The following SLC35F3 variants were observed in gnomAD, a reference collection of about 807,000 sequenced individuals.
The protein encoded by SLC35F3 is putative thiamine transporter SLC35F3.
In SLC35F3, 25 loss-of-function variants were observed where a neutral mutation model predicts 49.9. That is an observed-to-expected ratio of 0.50 (90% CI 0.37 to 0.70). The LOEUF (loss-of-function observed/expected upper bound fraction) is 0.70, where lower values mean the gene tolerates loss of function less well. Ranked by LOEUF, SLC35F3 falls within the 30% of genes least tolerant of loss-of-function variation. The pLI, the probability that SLC35F3 is intolerant of heterozygous loss-of-function variation, is 0.00. For synonymous variants in SLC35F3, 275 were observed against 265.4 expected, an observed-to-expected ratio of 1.04 and a Z score of -0.35; for missense variants, 525 against 639.8, an observed-to-expected ratio of 0.82 and a Z score of 1.94.
rs1662723943 is a variant in SLC35F3, at chr1:233,957,486, C to T, written c.283+51728C>T. The stretch of plus-strand genomic sequence containing the variant: ...TGTTTTCTGAATGTTTCAGTTGGCT[C>T]TAGCTCCATAATTACATCAAAATTT... On this transcript the variant is annotated intron_variant, in intron 2 of 7. Coordinates refer to ENST00000366618, the MANE Select transcript of SLC35F3 (RefSeq NM_173508.4). The surrounding 1 kb of genome is among the most constrained non-coding windows in gnomAD (Gnocchi z 4.0). Among the ~76,000 whole-genome samples the T allele has an allele frequency of 6.6e-6, 1 of 152,174 alleles. No individual in the cohort carries two copies. Among genetic ancestry groups the T allele is most frequent in the African/African-American group, 2.4e-5 (1 of 41,440 alleles).
In SLC35F3 at chr1:234,130,556, G is replaced by A. The variant is rs374050269; in HGVS notation, c.284-100861G>A. Among the ~76,000 whole-genome samples, 6 of 151,078 alleles carry A rather than the reference G, an allele frequency of 4.0e-5. No homozygotes were observed. In the East Asian group the frequency reaches 1.2e-3, roughly 29 times the overall value. The stretch of plus-strand genomic sequence containing the variant: ...TGGGAGGCTGAGGCAGGAGAATGGC[G>A]TGAACCCGGGAGGTGGAGCTTCCAG... On this transcript the variant is annotated intron_variant, in intron 2 of 7. Transcript: ENST00000366618.
intron 3 of SLC35F3, among the ~76,000 whole-genome samples, chr1:234,244,947 T>G (rs1332073759): frequency 6.6e-6 from 1 of 152,234 alleles, no homozygotes; most frequent in Non-Finnish European, 1.5e-5. Flanking sequence ...CTTTGAGTAT[T>G]TGTCATTTTT....
rs1664001345 is a variant in SLC35F3 at position 234,027,866 on chromosome 1, A to G, written c.283+122108A>G. 6.6e-6 allele frequency among the ~76,000 whole-genome samples: 1 copy of G among 152,198 alleles called. No homozygotes were observed. Among genetic ancestry groups the G allele is most frequent in the African/African-American group, 2.4e-5 (1 of 41,464 alleles). On this transcript the variant is annotated intron_variant, in intron 2 of 7. Transcript: ENST00000366618. The surrounding 1 kb of genome is among the most constrained non-coding windows in gnomAD (Gnocchi z 4.1). ...AGGAGGGGAGATGGATGATAAAGGAATAAGCCCGTGTAAAAGCGAGGTAAT... is the reference window on the plus strand; with the variant it reads ...AGGAGGGGAGATGGATGATAAAGGAGTAAGCCCGTGTAAAAGCGAGGTAAT...
intron 2 of SLC35F3, among the ~76,000 whole-genome samples, chr1:234,196,141 A>G (rs1002431937): frequency 6.6e-6 from 1 of 152,156 alleles, no homozygotes; most frequent in Non-Finnish European, 1.5e-5. Context: ...TTTCCCTAGG[A>G]CACGCCCACC....
At chr1:234,044,915 GC>G (rs1664268100) in intron 2 of SLC35F3, among the ~76,000 whole-genome samples, 1 of 152,132 alleles carries the variant, frequency 6.6e-6, no homozygotes, top group Non-Finnish European at 1.5e-5. Context: ...GTCTCTGGAG[GC>G]CAACCGGTTG....
intron 2 of SLC35F3, among the ~76,000 whole-genome samples, chr1:234,050,480 G>C (rs1488049416): frequency 6.6e-6 from 1 of 152,068 alleles, no homozygotes; most frequent in Non-Finnish European, 1.5e-5. Context: ...CTTTTTGATG[G>C]GGTTGTTTGA....
chr1:233,970,462 G>T (rs1029434012), intron 2 of SLC35F3, among the ~76,000 whole-genome samples: 2 of 152,190 alleles, frequency 1.3e-5, no homozygotes, highest in African/African-American at 4.8e-5. Flanking sequence ...TTTGAATGAG[G>T]TGAATGTATC....
chr1:233,998,097 A>G (rs926336911), intron 2 of SLC35F3, among the ~76,000 whole-genome samples: 1 of 152,270 alleles, frequency 6.6e-6, no homozygotes, highest in Middle Eastern at 3.4e-3. Flanking sequence ...AAAGCATTAT[A>G]GATGGATATG....
At position 234,235,894 on chromosome 1, in the gene SLC35F3, T is replaced by TG. The variant is rs200203271; in HGVS notation, c.608+4154dup. Among the ~76,000 whole-genome samples the TG allele has an allele frequency of 7.1e-3, 1,089 of 152,338 alleles. 10 individuals are homozygous for TG. The highest frequency in any genetic ancestry group is 0.025 in the African/African-American group (1,020 of 41,572). On this transcript the variant is annotated intron_variant, in intron 3 of 7. Coordinates refer to ENST00000366618, the MANE Select transcript of SLC35F3 (RefSeq NM_173508.4). ...CAGGAACCATATCGGGTCTTGCAGC[T>TG]GTAACATTTATCGGCCATTTAAAAT...
At chr1:234,125,032 C>T (rs1572060996) in intron 2 of SLC35F3, among the ~76,000 whole-genome samples, 1 of 152,128 alleles carries the variant, frequency 6.6e-6, no homozygotes, top group Admixed American at 6.5e-5. Context: ...AGATTCTAGG[C>T]ATTGTGTTTT....
At position 234,012,514 on chromosome 1, in the gene SLC35F3, C is replaced by T. The variant is rs552192846; in HGVS notation, c.283+106756C>T. ...CAGGACAGAGGTCCCTGCGGCTTTC[C>T]GCAGTGCATTGTGCCCCTGGTTTAT... On this transcript the variant is annotated intron_variant, in intron 2 of 7. Coordinates refer to ENST00000366618, the MANE Select transcript of SLC35F3 (RefSeq NM_173508.4). Among the ~76,000 whole-genome samples, 8 of 152,314 alleles carry T rather than the reference C, an allele frequency of 5.3e-5. No homozygotes were observed. In the East Asian group the frequency reaches 7.7e-4, roughly 15 times the overall value.
At chr1:233,905,400 C>T in intron 1 of SLC35F3, 129 bp from the exon 2 acceptor site, 2 of 759,436 alleles carry the variant, frequency 2.6e-6, no homozygotes, top group Non-Finnish European at 4.2e-6. Context: ...GGCTCTGCCG[C>T]GGCGCTCGCC....
chr1:234,186,517 GA>G (rs1425064033), intron 2 of SLC35F3, among the ~76,000 whole-genome samples: 1 of 151,466 alleles, frequency 6.6e-6, no homozygotes. Context: ...CAGTCCTTCT[GA>G]ATTCTTGCCC....
intron 2 of SLC35F3, among the ~76,000 whole-genome samples, chr1:233,954,312 C>T (rs2102806853): frequency 6.6e-6 from 1 of 152,134 alleles, no homozygotes; most frequent in Non-Finnish European, 1.5e-5. Context: ...GGCCTAGAGC[C>T]TCTTTTAAAG....
intron 2 of SLC35F3, among the ~76,000 whole-genome samples, chr1:233,996,057 A>G (rs1317470689): frequency 6.6e-6 from 1 of 152,134 alleles, no homozygotes. Flanking sequence ...GAACAGTTGG[A>G]GCATTTTATT....
At chr1:234,228,932 A>C (rs1226361759) in intron 2 of SLC35F3, among the ~76,000 whole-genome samples, 1 of 152,184 alleles carries the variant, frequency 6.6e-6, no homozygotes, top group Non-Finnish European at 1.5e-5. Flanking sequence ...CAGTATGAAG[A>C]ATGAGGTAAT....
chr1:234,082,436 G>A lies in SLC35F3; in HGVS notation c.284-148981G>A, dbSNP rs1664892654. 1.3e-5 allele frequency among the ~76,000 whole-genome samples: 2 copies of A among 152,132 alleles called. 1 individual carries two copies. Among genetic ancestry groups the A allele is most frequent in the Admixed American group, 1.3e-4 (2 of 15,276 alleles). ...TAGACAGAGCAGTGTGATAAAGAGT[G>A]TTTGCTTGTTTTTTGGTTTTACATT... is the stretch of plus-strand genomic sequence containing the variant. On this transcript the variant is annotated intron_variant, in intron 2 of 7. Coordinates refer to ENST00000366618, the MANE Select transcript of SLC35F3 (RefSeq NM_173508.4).
chr1:234,132,914 T>G (rs1479276262), intron 2 of SLC35F3, among the ~76,000 whole-genome samples: 1 of 152,224 alleles, frequency 6.6e-6, no homozygotes, highest in Non-Finnish European at 1.5e-5. Flanking sequence ...TATTGAGTGC[T>G]GACTCTGTGC....
chr1:234,153,351 A>G (rs1364438773), intron 2 of SLC35F3, among the ~76,000 whole-genome samples: 2 of 152,168 alleles, frequency 1.3e-5, no homozygotes, highest in East Asian at 1.9e-4. Flanking sequence ...GCTCATGCCT[A>G]TAATTCCAGC....
Sources: gnomAD v4.1 joint callset for allele counts (sites outside exome capture counted in the v4.1 genomes callset) on GRCh38, gnomAD v4.1.1 for gene constraint, Gnocchi (gnomAD v3.1) non-coding constraint, MANE v1.5 for transcripts, NCBI Gene and HGNC (gene_info 2026-07-23, HGNC 2026-07-21) for gene names.